Variants in MAGI2 observed in about 807,000 individuals in gnomAD.
MAGI2 encodes the protein membrane-associated guanylate kinase, WW and PDZ domain-containing protein 2.
Under a neutral mutation model 133.3 loss-of-function variants are expected in MAGI2, and 35 were observed. The ratio of observed to expected loss-of-function variants is 0.26; its 90% confidence interval spans 0.20 to 0.35. The LOEUF is 0.35. Among genes scored for constraint, MAGI2 ranks in the 10% least tolerant of loss-of-function variants. The pLI is 1.00. For synonymous variants in MAGI2, 729 were observed against 710.6 expected (o/e 1.03, Z -0.41); for missense variants, 1,636 against 1,863.4 (o/e 0.88, Z 2.25).
intron 1 of MAGI2, among the ~76,000 whole-genome samples, chr7:79,111,705 C>T (rs557066186): frequency 1.3e-5 from 2 of 152,164 alleles, no homozygotes; most frequent in Admixed American, 1.3e-4. Context: ...CTCACTCTGT[C>T]GCCCAGGCTG....
intron 6 of MAGI2, among the ~76,000 whole-genome samples, chr7:78,453,448 T>C (rs1788944969): frequency 6.6e-6 from 1 of 152,230 alleles, no homozygotes; most frequent in Non-Finnish European, 1.5e-5. Flanking sequence ...TTTGTATCTG[T>C]TCATTTCTTT....
At chr7:78,678,522 C>A (rs1055454589) in intron 2 of MAGI2, among the ~76,000 whole-genome samples, 1 of 151,972 alleles carries the variant, frequency 6.6e-6, no homozygotes, top group African/African-American at 2.4e-5. Flanking sequence ...ATTAGTCAAC[C>A]CCCTTCCTTC....
At chr7:78,761,104 G>A (rs1175172537) in intron 2 of MAGI2, among the ~76,000 whole-genome samples, 1 of 152,194 alleles carries the variant, frequency 6.6e-6, no homozygotes, top group Non-Finnish European at 1.5e-5. Context: ...CTTTTATATG[G>A]TTAATGTGGG....
At position 78,714,080 on chromosome 7, in the gene MAGI2, G is replaced by T. The variant is rs964925336; in HGVS notation, c.419-86841C>A. Reference sequence around the variant, plus strand: ...GATATGTGTTGTGGGGGGAAGAGGTGAAAGAAAGAGGGGGGAAGAGAATAT... The same window carrying T: ...GATATGTGTTGTGGGGGGAAGAGGTTAAAGAAAGAGGGGGGAAGAGAATAT... On this transcript the variant is annotated intron_variant, in intron 2 of 21. Transcript: ENST00000354212. 9.2e-5 allele frequency among the ~76,000 whole-genome samples: 6 copies of T among 65,326 alleles called. No individual in the cohort carries two copies. The East Asian group carries it at 2.4e-3, about 26-fold the overall frequency. 42.9% of individuals were successfully genotyped at this position (65,326 alleles called of 152,430 possible). A position where few individuals can be genotyped will look rare whatever the true frequency, so the allele number is the denominator to read the frequency against.
chr7:78,194,331 A>C (rs1828516512), intron 12 of MAGI2, among the ~76,000 whole-genome samples: 1 of 152,202 alleles, frequency 6.6e-6, no homozygotes, highest in Non-Finnish European at 1.5e-5. Flanking sequence ...TGAATGTTCA[A>C]ATGTGCCTGA....
chr7:79,154,894 C>G (rs572072948), intron 1 of MAGI2, among the ~76,000 whole-genome samples: 1 of 152,316 alleles, frequency 6.6e-6, no homozygotes, highest in Non-Finnish European at 1.5e-5. Flanking sequence ...GCAACAACAA[C>G]AAAAACACCT....
chr7:78,730,703 AAAG>A (rs1821286096), intron 2 of MAGI2, among the ~76,000 whole-genome samples: 1 of 152,168 alleles, frequency 6.6e-6, no homozygotes, highest in Non-Finnish European at 1.5e-5. Flanking sequence ...AAACAAACAT[AAAG>A]TAGTACCATA....
chr7:78,932,535 C>A (rs1429794585), intron 2 of MAGI2, among the ~76,000 whole-genome samples: 1 of 151,464 alleles, frequency 6.6e-6, no homozygotes, highest in Non-Finnish European at 1.5e-5. Context: ...CTGCATAAAG[C>A]TAAAATTAAG....
chr7:78,292,019 G>T (rs1796763862), intron 9 of MAGI2, among the ~76,000 whole-genome samples: 1 of 152,136 alleles, frequency 6.6e-6, no homozygotes, highest in Non-Finnish European at 1.5e-5. Context: ...TTGAAAACTG[G>T]CACAAGACAG....
chr7:79,326,982 A>G (rs536979340), intron 1 of MAGI2, among the ~76,000 whole-genome samples: 231 of 152,328 alleles, frequency 1.5e-3, no homozygotes, highest in African/African-American at 5.4e-3. Flanking sequence ...TCATGAGTTC[A>G]GGGTCTTTTC....
intron 6 of MAGI2, among the ~76,000 whole-genome samples, chr7:78,471,092 T>C (rs1368709472): frequency 1.3e-5 from 2 of 152,092 alleles, no homozygotes; most frequent in Non-Finnish European, 2.9e-5. Context: ...GCCAATTATA[T>C]TGTGTTAGAA....
At chr7:78,465,300 A>G (rs1444591846) in intron 6 of MAGI2, among the ~76,000 whole-genome samples, 3 of 152,182 alleles carry the variant, frequency 2.0e-5, no homozygotes, top group Admixed American at 6.5e-5. Context: ...TGAATCTTAA[A>G]TTATAGACAC....
intron 21 of MAGI2, among the ~76,000 whole-genome samples, chr7:78,025,618 A>G (rs2428922): frequency 0.21 from 31,624 of 152,112 alleles, 4,204 homozygotes; most frequent in East Asian, 0.56. Context: ...TTTTCATTTG[A>G]AGTATAATCT....
At chr7:78,953,350 A>G (rs1802024619) in intron 2 of MAGI2, among the ~76,000 whole-genome samples, 1 of 152,104 alleles carries the variant, frequency 6.6e-6, no homozygotes, top group Non-Finnish European at 1.5e-5. Context: ...CTTCCTCCCT[A>G]TTTCAAGGTG....
intron 1 of MAGI2, among the ~76,000 whole-genome samples, chr7:79,321,576 A>C (rs574477086): frequency 6.6e-6 from 1 of 152,340 alleles, no homozygotes; most frequent in East Asian, 1.9e-4. Flanking sequence ...TGAGAGAACA[A>C]ATTTTTTTCT....
intron 2 of MAGI2, among the ~76,000 whole-genome samples, chr7:78,816,009 ATAGT>A (rs1025308374): frequency 6.6e-6 from 1 of 152,216 alleles, no homozygotes; most frequent in Non-Finnish European, 1.5e-5. Flanking sequence ...CTTGCACCAC[ATAGT>A]TAGCCAAGTT....
At chr7:78,407,322 G>A (rs749061836) in intron 6 of MAGI2, among the ~76,000 whole-genome samples, 2 of 151,836 alleles carry the variant, frequency 1.3e-5, no homozygotes, top group Non-Finnish European at 2.9e-5. Context: ...ACAGCTGATC[G>A]GTGTACATTT....
At chr7:79,299,928 T>C (rs1837262992) in intron 1 of MAGI2, among the ~76,000 whole-genome samples, 1 of 152,150 alleles carries the variant, frequency 6.6e-6, no homozygotes, top group African/African-American at 2.4e-5. Flanking sequence ...CTATGTGAAG[T>C]ACCTGCTCCC....
chr7:78,183,916 A>G (rs565515478), intron 13 of MAGI2, among the ~76,000 whole-genome samples: 4 of 152,254 alleles, frequency 2.6e-5, no homozygotes, highest in Non-Finnish European at 5.9e-5. Flanking sequence ...TATTCTGATA[A>G]CTTGTGTGGA....
Sources: gnomAD v4.1 joint callset for allele counts (sites outside exome capture counted in the v4.1 genomes callset) on GRCh38, gnomAD v4.1.1 for gene constraint, MANE v1.5 for transcripts, NCBI Gene and HGNC (gene_info 2026-07-23, HGNC 2026-07-21) for gene names.